The following CDK8 variants were observed in gnomAD, a reference collection of about 807,000 sequenced individuals.
The protein encoded by CDK8 is cyclin dependent kinase 8.
CDK8 carries 29 observed loss-of-function variants against 71.5 expected under a neutral mutation model. The observed-to-expected ratio is 0.41, with a 90% CI of 0.30 to 0.55. The LOEUF is 0.55. Among genes scored for constraint, CDK8 ranks in the 20% least tolerant of loss-of-function variants. The pLI, the probability that CDK8 is intolerant of heterozygous loss-of-function variation, is 0.37. For synonymous variants in CDK8, 161 were observed against 192.1 expected, an observed-to-expected ratio of 0.84 and a Z score of 1.34; for missense variants, 288 against 572.6, an observed-to-expected ratio of 0.50 and a Z score of 5.07.
In CDK8 at chr13:26,254,675, G is replaced by A; in HGVS notation, c.34G>A (p.Glu12Lys). Residue 12 changes from glutamate to lysine, a missense_variant, in exon 1 of 13, where the codon GAG becomes AAG. This residue lies in a region of CDK8 where 19 missense variants were observed against 24.4 expected (regional missense o/e 0.78). Transcript: ENST00000381527. The surrounding 1 kb of genome is among the most constrained non-coding windows in gnomAD (Gnocchi z 6.7). ...DYDFKVKLSS[E>K]RERVEDLFEY... The stretch of plus-strand genomic sequence containing the variant: ...TGACTTTAAAGTGAAGCTGAGCAGC[G>A]AGCGGGAGCGGGTCGAGGACCTGTT... The A allele has an allele frequency of 3.7e-6, 6 of 1,612,152 alleles. No individual in the cohort carries two copies. Among genetic ancestry groups the A allele is most frequent in the Non-Finnish European group, 5.1e-6 (6 of 1,179,092 alleles).
rs1472820106 is a variant in CDK8 at position 26,333,296 on chromosome 13, C to T, written c.129-4271C>T. Among the ~76,000 whole-genome samples, 6 of 152,010 alleles carry T rather than the reference C, an allele frequency of 3.9e-5. No homozygotes were observed. In the East Asian group the frequency reaches 9.7e-4, roughly 24 times the overall value. ...CTGGGATTGCAGGTGTCCACTACCACGCCCGGCTAAGTTTCGTATTTTTAG... is the reference window on the plus strand; with the variant it reads ...CTGGGATTGCAGGTGTCCACTACCATGCCCGGCTAAGTTTCGTATTTTTAG... On this transcript the variant is annotated intron_variant, in intron 1 of 12. Coordinates refer to ENST00000381527, the MANE Select transcript of CDK8 (RefSeq NM_001260.3).
chr13:26,264,262 GTTCT>G (rs1871922727), intron 1 of CDK8, among the ~76,000 whole-genome samples: 1 of 145,512 alleles, frequency 6.9e-6, no homozygotes, highest in Non-Finnish European at 1.5e-5. Context: ...TTTAGCTGCC[GTTCT>G]TTTTTTTCTT....
chr13:26,399,840 G>C (rs1270628085), intron 9 of CDK8, among the ~76,000 whole-genome samples: 1 of 152,178 alleles, frequency 6.6e-6, no homozygotes, highest in East Asian at 1.9e-4. Flanking sequence ...GTCAGGATTT[G>C]AATGGAGCAG....
intron 1 of CDK8, among the ~76,000 whole-genome samples, chr13:26,298,898 G>T (rs533196440): frequency 6.6e-6 from 1 of 152,032 alleles, no homozygotes; most frequent in African/African-American, 2.4e-5. Flanking sequence ...TTCCATTCAG[G>T]ATCTCTGATG....
chr13:26,349,181 G>T lies in CDK8; in HGVS notation c.314G>T (p.Trp105Leu). 1 of 1,560,916 alleles carries T rather than the reference G, an allele frequency of 6.4e-7. No homozygotes were observed. The highest frequency in any genetic ancestry group is 8.8e-7 in the Non-Finnish European group (1 of 1,136,800). The change falls in exon 3 of 13, where the codon TGG becomes TTG. Residue 105 changes from tryptophan to leucine, a missense_variant and splice_region_variant. Around this residue, in one of 6 missense-constraint regions of CDK8, gnomAD observed 95 missense variants for 177.3 expected, o/e 0.54. Transcript: ENST00000381527. ...LLFDYAEHDL[W>L]HIIKFHRASK... Reference sequence around the variant, plus strand: ...TTTGACTATGCTGAACATGACCTCTGGGTAAGGTGAATTGCTGGCAGACAT... The same window carrying T: ...TTTGACTATGCTGAACATGACCTCTTGGTAAGGTGAATTGCTGGCAGACAT...
intron 1 of CDK8, among the ~76,000 whole-genome samples, chr13:26,291,563 C>T (rs946847851): frequency 6.6e-6 from 1 of 152,172 alleles, no homozygotes; most frequent in African/African-American, 2.4e-5. Context: ...CAAAAAACAG[C>T]AACTCTGGGC....
At chr13:26,270,707 T>C (rs1872275754) in intron 1 of CDK8, among the ~76,000 whole-genome samples, 1 of 152,238 alleles carries the variant, frequency 6.6e-6, no homozygotes, top group Non-Finnish European at 1.5e-5. Flanking sequence ...TGTTGTAGCA[T>C]ATATCACATT....
At chr13:26,279,987 GTA>G (rs1491537978) in intron 1 of CDK8, among the ~76,000 whole-genome samples, 3 of 151,978 alleles carry the variant, frequency 2.0e-5, no homozygotes, top group Non-Finnish European at 2.9e-5. Flanking sequence ...GTGTGTGTGT[GTA>G]TGTGTGTGTA....
chr13:26,294,436 C>A (rs991261719), intron 1 of CDK8, among the ~76,000 whole-genome samples: 10 of 152,126 alleles, frequency 6.6e-5, no homozygotes, highest in African/African-American at 2.4e-4. Flanking sequence ...CCTATATAGC[C>A]AGTAGTAGGA....
chr13:26,387,162 T>A (rs1390825171), intron 6 of CDK8, among the ~76,000 whole-genome samples: 1 of 152,242 alleles, frequency 6.6e-6, no homozygotes, highest in East Asian at 1.9e-4. Flanking sequence ...TTGTATTTTT[T>A]AATAGAAAGA....
At chr13:26,287,787 A>T (rs1873091280) in intron 1 of CDK8, among the ~76,000 whole-genome samples, 1 of 152,200 alleles carries the variant, frequency 6.6e-6, no homozygotes, top group Admixed American at 6.5e-5. Flanking sequence ...AGTCAAAAGT[A>T]ATAATACCAT....
At chr13:26,268,632 C>G (rs1457406626) in intron 1 of CDK8, among the ~76,000 whole-genome samples, 1 of 151,980 alleles carries the variant, frequency 6.6e-6, no homozygotes, top group Non-Finnish European at 1.5e-5. Flanking sequence ...CTTAGCTAAT[C>G]CTGTGTATTT....
chr13:26,361,784 C>CTTTTTTTTTTTTTTTTTTTT (rs553508554), intron 4 of CDK8, among the ~76,000 whole-genome samples: 3 of 63,346 alleles, frequency 4.7e-5, no homozygotes, highest in East Asian at 4.8e-4. Flanking sequence ...TTTCTTTTCC[C>CTTTTTTTTTTTTTTTTTTTT]TTTTTTTTTT....
At position 26,382,849 on chromosome 13, in the gene CDK8, T is replaced by C; in HGVS notation, c.492T>C (p.Pro164=). 1.2e-6 allele frequency: 2 copies of C among 1,601,534 alleles called. No individual in the cohort carries two copies. Among genetic ancestry groups the C allele is most frequent in the Non-Finnish European group, 1.7e-6 (2 of 1,175,772 alleles). ...PANILVMGEG[P]ERGRVKIADM... is the part of the protein sequence containing the mutation. ...ATATTTTAGTTATGGGTGAAGGTCC[T>C]GAGCGAGGAAGAGTAAAAATTGGTA... Residue 164 remains proline (P), a synonymous_variant, in exon 5 of 13, where the codon CCT becomes CCC. Coordinates refer to ENST00000381527, the MANE Select transcript of CDK8 (RefSeq NM_001260.3).
At chr13:26,275,882 T>C (rs1872543927) in intron 1 of CDK8, among the ~76,000 whole-genome samples, 1 of 152,214 alleles carries the variant, frequency 6.6e-6, no homozygotes, top group Admixed American at 6.5e-5. Context: ...ACTTTTTTTT[T>C]TGAGACAGTC....
intron 1 of CDK8, among the ~76,000 whole-genome samples, chr13:26,280,148 G>T (rs564087702): frequency 6.6e-6 from 1 of 152,284 alleles, no homozygotes; most frequent in South Asian, 2.1e-4. Context: ...CCACATGGCT[G>T]TGTATGACAA....
Position 26,311,788 on chromosome 13 carries a change from G to C in CDK8, c.129-25779G>C, listed in dbSNP as rs372962287. The stretch of plus-strand genomic sequence containing the variant: ...TATCTCATTATCATTGGCCAGAATT[G>C]GTTCATAGCCTATTTCTGAACCAAT... On this transcript the variant is annotated intron_variant, in intron 1 of 12. Coordinates refer to ENST00000381527, the MANE Select transcript of CDK8 (RefSeq NM_001260.3). Among the ~76,000 whole-genome samples, 31 of 152,164 alleles carry C rather than the reference G, an allele frequency of 2.0e-4. No individual in the cohort carries two copies. In the East Asian group the frequency reaches 4.8e-3, roughly 24 times the overall value.
chr13:26,352,270 C>T (rs1486582694), intron 3 of CDK8, among the ~76,000 whole-genome samples: 3 of 152,112 alleles, frequency 2.0e-5, no homozygotes, highest in Middle Eastern at 3.4e-3. Context: ...GGCTGGAGAG[C>T]GGTGGCAGGA....
At chr13:26,385,743 T>A (rs1875446648) in intron 6 of CDK8, among the ~76,000 whole-genome samples, 1 of 151,968 alleles carries the variant, frequency 6.6e-6, no homozygotes, top group African/African-American at 2.4e-5. Flanking sequence ...TCAAAAAATA[T>A]AAATAAATAA....
Sources: allele counts gnomAD v4.1 joint callset (sites outside exome capture counted in the v4.1 genomes callset), GRCh38; gene constraint gnomAD v4.1.1; regional missense constraint gnomAD v4.1.1; non-coding constraint Gnocchi (gnomAD v3.1); transcripts MANE v1.5; gene names NCBI Gene and HGNC (gene_info 2026-07-23, HGNC 2026-07-21).